Variants in KIDINS220 observed in about 807,000 individuals in gnomAD.
The protein encoded by KIDINS220 is kinase D-interacting substrate of 220 kDa.
A neutral mutation model predicts 157.6 loss-of-function variants in KIDINS220; 63 were observed. That is an observed-to-expected ratio of 0.40 (90% confidence interval 0.33 to 0.49). KIDINS220 has a LOEUF of 0.49. KIDINS220 is among the 20% of genes least tolerant of loss of function. KIDINS220 has a pLI of 0.66. For synonymous variants in KIDINS220, 732 were observed against 783.6 expected (o/e 0.93, Z 1.10); for missense variants, 1,772 against 2,171.2 (o/e 0.82, Z 3.65).
rs1572685624 is a variant in KIDINS220 at position 8,793,846 on chromosome 2, G to A, written c.1240C>T (p.His414Tyr). Residue 414 changes from histidine to tyrosine, a missense_variant, in exon 12 of 30, where the codon CAT (histidine) becomes TAT (tyrosine). His to Tyr is a moderately conservative substitution (Grantham distance 83). Coordinates refer to ENST00000256707, the MANE Select transcript of KIDINS220 (RefSeq NM_020738.4). Reference sequence around the variant, plus strand: ...ATTTGAGTTAAAATACTCTTCTGATGGCTACAGTCAATATTATAAGGAGTC... The same window carrying A: ...ATTTGAGTTAAAATACTCTTCTGATAGCTACAGTCAATATTATAAGGAGTC... Reference protein sequence around the residue: ...GETPYNIDCSHQKSILTQIFG... With the variant: ...GETPYNIDCSYQKSILTQIFG... 1 of 1,610,064 alleles carries A rather than the reference G, an allele frequency of 6.2e-7. No individual in the cohort carries two copies. The highest frequency in any genetic ancestry group is 2.2e-5 in the East Asian group (1 of 44,818).
At chr2:8,762,729 ACCCCAT>A (rs1380225257) in intron 22 of KIDINS220, among the ~76,000 whole-genome samples, 1 of 152,166 alleles carries the variant, frequency 6.6e-6, no homozygotes, top group Admixed American at 6.5e-5. Flanking sequence ...ACAGAGCGAG[ACCCCAT>A]CTCAAAGAAA....
At position 8,778,524 on chromosome 2, in the gene KIDINS220, T is replaced by C. The variant is rs1234100203; in HGVS notation, c.2703+115A>G. ...CTGAAAGGAAATTCAATGATAATGT[T>C]TATTTGAAGCGTTTAATGCAATATT... On this transcript the variant is annotated intron_variant, in intron 20 of 29. Transcript: ENST00000256707. 8.9e-6 allele frequency: 7 copies of C among 788,240 alleles called. No individual in the cohort carries two copies. In the South Asian group the frequency reaches 1.0e-4, roughly 11 times the overall value. The allele number at this position is 788,240 out of a possible 1,614,324, so 48.8% of individuals were successfully genotyped here. A position where few individuals can be genotyped will look rare whatever the true frequency, so the allele number is the denominator to read the frequency against.
chr2:8,737,645 G>A (rs1665068497), intron 26 of KIDINS220, among the ~76,000 whole-genome samples: 2 of 152,132 alleles, frequency 1.3e-5, no homozygotes, highest in Admixed American at 1.3e-4. Context: ...CATTTAAAAG[G>A]AAAGTCAAAA....
At position 8,776,884 on chromosome 2, in the gene KIDINS220, G is replaced by GT; in HGVS notation, c.2711dup (p.Tyr904Ter). Reference protein sequence around the residue: ...SKTALNRRDTYRRRQMQRTIT... With the variant: ...SKTALNRRDT Reference sequence around the variant, plus strand: ...TGGTCCTCTGCATCTGCCTTCTTCGGTAAGTGTCCTGAAACAGCACGTCGT... The same window carrying GT: ...TGGTCCTCTGCATCTGCCTTCTTCGGTTAAGTGTCCTGAAACAGCACGTCGT... The change falls in exon 21 of 30, where the codon TAC (tyrosine) becomes TAAC (stop). Residue 904 changes from tyrosine (Y) to a stop codon, truncating the protein, a stop_gained and frameshift_variant. Coordinates refer to ENST00000256707, the MANE Select transcript of KIDINS220 (RefSeq NM_020738.4). LOFTEE classifies it high-confidence loss of function. The GT allele has an allele frequency of 6.2e-7, 1 of 1,613,536 alleles. No individual in the cohort carries two copies. Among genetic ancestry groups the GT allele is most frequent in the East Asian group, 2.2e-5 (1 of 44,858 alleles).
At chr2:8,832,888 T>A (rs573148514) in intron 1 of KIDINS220, among the ~76,000 whole-genome samples, 1 of 152,184 alleles carries the variant, frequency 6.6e-6, no homozygotes, top group African/African-American at 2.4e-5. Flanking sequence ...AGTTTCTTTT[T>A]TTTTTCCTTA....
intron 2 of KIDINS220, among the ~76,000 whole-genome samples, chr2:8,819,326 TGC>T (rs2148403658): frequency 6.6e-6 from 1 of 152,322 alleles, no homozygotes; most frequent in African/African-American, 2.4e-5. Flanking sequence ...AAGCTCCTAC[TGC>T]TGAAATCAGT....
At chr2:8,823,448 A>T (rs1678292385) in intron 2 of KIDINS220, among the ~76,000 whole-genome samples, 1 of 151,938 alleles carries the variant, frequency 6.6e-6, no homozygotes, top group African/African-American at 2.4e-5. Context: ...AAAAAAAAAA[A>T]AAATACCAAC....
At chr2:8,786,414 C>G in intron 15 of KIDINS220, 57 bp from the exon 16 acceptor site, 1 of 1,305,222 alleles carries the variant, frequency 7.7e-7, no homozygotes, top group Non-Finnish European at 1.1e-6. Flanking sequence ...CAAATAACTT[C>G]AATGTATGTC....
intron 6 of KIDINS220, among the ~76,000 whole-genome samples, chr2:8,810,931 C>A (rs191534840): frequency 1.3e-5 from 2 of 152,180 alleles, no homozygotes; most frequent in African/African-American, 4.8e-5. Context: ...AGCCTCCCTA[C>A]GCTCCTCATT....
intron 22 of KIDINS220, chr2:8,757,276 T>A (rs1282738091): frequency 4.6e-5 from 46 of 996,010 alleles, no homozygotes; most frequent in Non-Finnish European, 5.3e-5. Flanking sequence ...GTACTTAACA[T>A]TAAGAAAGCA....
intron 17 of KIDINS220, among the ~76,000 whole-genome samples, chr2:8,784,398 TGAAA>T (rs1189047184): frequency 1.3e-5 from 2 of 152,030 alleles, no homozygotes; most frequent in Non-Finnish European, 2.9e-5. Flanking sequence ...GCAAGATCCA[TGAAA>T]GAAAGAATTA....
intron 1 of KIDINS220, among the ~76,000 whole-genome samples, chr2:8,836,188 A>G (rs1680360781): frequency 1.3e-5 from 2 of 151,706 alleles, no homozygotes; most frequent in African/African-American, 4.8e-5. Context: ...TGACTGAAGA[A>G]TGGAGCTGCC....
intron 1 of KIDINS220, among the ~76,000 whole-genome samples, chr2:8,836,416 G>A (rs186276940): frequency 1.3e-5 from 2 of 152,328 alleles, no homozygotes; most frequent in East Asian, 3.9e-4. Flanking sequence ...CACAAAGGGT[G>A]TAGAACAAGG....
intron 17 of KIDINS220, among the ~76,000 whole-genome samples, chr2:8,783,929 T>G (rs997474807): frequency 2.0e-5 from 3 of 151,844 alleles, no homozygotes; most frequent in African/African-American, 7.3e-5. Context: ...GAATCAAAAG[T>G]TCATATGAGG....
chr2:8,827,130 C>T lies in KIDINS220; in HGVS notation c.-36-1G>A, dbSNP rs1003789515. 1.8e-6 allele frequency: 2 copies of T among 1,129,464 alleles called. No homozygotes were observed. The highest frequency in any genetic ancestry group is 2.6e-6 in the Non-Finnish European group (2 of 768,262). The allele number at this position is 1,129,464 out of a possible 1,614,324, so 70.0% of individuals were successfully genotyped here. A position where few individuals can be genotyped will look rare whatever the true frequency, so the allele number is the denominator to read the frequency against. Reference sequence around the variant, plus strand: ...GCTGCAATTAACTTTATTTGAATACCTGTTAAATTAGACAAAATACACATA... The same window carrying T: ...GCTGCAATTAACTTTATTTGAATACTTGTTAAATTAGACAAAATACACATA... On this transcript the variant is annotated splice_acceptor_variant, in intron 1 of 29. Coordinates refer to ENST00000256707, the MANE Select transcript of KIDINS220 (RefSeq NM_020738.4). LOFTEE classifies it low-confidence loss of function (5UTR_SPLICE).
chr2:8,812,612 C>T, intron 5 of KIDINS220, 119 bp from the exon 6 acceptor site: 3 of 436,686 alleles, frequency 6.9e-6, no homozygotes, highest in Non-Finnish European at 1.2e-5. Flanking sequence ...TTACAACACA[C>T]ATTTGCTAAG....
intron 1 of KIDINS220, among the ~76,000 whole-genome samples, chr2:8,836,103 C>T (rs774349315): frequency 1.7e-4 from 26 of 151,890 alleles, no homozygotes; most frequent in Non-Finnish European, 3.8e-4. Flanking sequence ...AAGAGATATT[C>T]TGGATATAAA....
chr2:8,731,992 CAG>C lies in KIDINS220; in HGVS notation c.4054-12_4054-11del, dbSNP rs1019437408. 3 of 1,517,236 alleles carry C rather than the reference CAG, an allele frequency of 2.0e-6. No individual in the cohort carries two copies. The highest frequency in any genetic ancestry group is 2.6e-6 in the Non-Finnish European group (3 of 1,136,748). 94.0% of individuals were successfully genotyped at this position (1,517,236 alleles called of 1,614,324 possible). A position where few individuals can be genotyped will look rare whatever the true frequency, so the allele number is the denominator to read the frequency against. On this transcript the variant is annotated splice_polypyrimidine_tract_variant and intron_variant, in intron 29 of 29. Transcript: ENST00000256707. The surrounding 1 kb of genome is among the most constrained non-coding windows in gnomAD (Gnocchi z 5.2). ...TTCTGCGAGTTTGTGACTGTGAAGA[CAG>C]AAAAAAAATAATTTAAAAATTCAAA...
Position 8,730,710 on chromosome 2 carries a change from C to G in KIDINS220, c.*10G>C, listed in dbSNP as rs746411884. 1.2e-6 allele frequency: 2 copies of G among 1,610,138 alleles called. No homozygotes were observed. Among genetic ancestry groups the G allele is most frequent in the Non-Finnish European group, 1.7e-6 (2 of 1,178,544 alleles). ...GGTACAGTAACACTCTTCTCCTTTG[C>G]TTGTTTTTCTCAAAGAATGCTTTCT... On this transcript the variant is annotated 3_prime_UTR_variant, in exon 30 of 30. Coordinates refer to ENST00000256707, the MANE Select transcript of KIDINS220 (RefSeq NM_020738.4).
Sources: gnomAD v4.1 joint callset for allele counts (sites outside exome capture counted in the v4.1 genomes callset) on GRCh38, gnomAD v4.1.1 for gene constraint, Gnocchi (gnomAD v3.1) non-coding constraint, MANE v1.5 for transcripts, NCBI Gene and HGNC (gene_info 2026-07-23, HGNC 2026-07-21) for gene names.